KCNH1: variants seen among roughly 807,000 people sequenced by gnomAD.
KCNH1 encodes the protein potassium voltage-gated channel subfamily H member 1, also known as voltage-gated delayed rectifier potassium channel KCNH1.
A neutral mutation model predicts 69.2 loss-of-function variants in KCNH1; 27 were observed. The observed-to-expected ratio is 0.39, with a 90% CI of 0.29 to 0.54. KCNH1 has a LOEUF of 0.54. Ranked by LOEUF, KCNH1 falls within the 20% of genes least tolerant of loss-of-function variation. KCNH1 has a pLI of 0.68. For missense variants in KCNH1, 798 were observed against 1,261.6 expected, an observed-to-expected ratio of 0.63 and a Z score of 5.57; for synonymous variants, 456 against 487.7, an observed-to-expected ratio of 0.93 and a Z score of 0.86.
chr1:211,114,905 A>G (rs750701583), intron 1 of KCNH1, among the ~76,000 whole-genome samples: 4 of 152,168 alleles, frequency 2.6e-5, no homozygotes, highest in Non-Finnish European at 4.4e-5. Context: ...ATGTTCATGT[A>G]CTGGAAGAAT....
chr1:210,702,564 A>G (rs1224107032), intron 10 of KCNH1, among the ~76,000 whole-genome samples: 1 of 152,172 alleles, frequency 6.6e-6, no homozygotes, highest in East Asian at 1.9e-4. Context: ...TCATGGATAT[A>G]TGGACTTTAT....
At chr1:210,948,837 G>GAA (rs770643532) in intron 6 of KCNH1, among the ~76,000 whole-genome samples, 1 of 125,768 alleles carries the variant, frequency 8.0e-6, no homozygotes. Flanking sequence ...CAAAAAAAAG[G>GAA]AAAAAAAAAA....
intron 1 of KCNH1, among the ~76,000 whole-genome samples, chr1:211,128,804 G>A (rs544376766): frequency 6.6e-6 from 1 of 152,244 alleles, no homozygotes; most frequent in African/African-American, 2.4e-5. Flanking sequence ...TTTGTTCCAC[G>A]GAGCAGACTG....
At chr1:210,936,443 T>C (rs1687776628) in intron 6 of KCNH1, among the ~76,000 whole-genome samples, 1 of 152,184 alleles carries the variant, frequency 6.6e-6, no homozygotes, top group African/African-American at 2.4e-5. Flanking sequence ...TAGTAGAGAC[T>C]TTTCAAGCTC....
At chr1:210,775,585 A>T in intron 9 of KCNH1, 41 bp from the exon 10 acceptor site, 1 of 1,533,312 alleles carries the variant, frequency 6.5e-7, no homozygotes, top group South Asian at 1.1e-5. Context: ...GTTGGCCAGG[A>T]GAGGTCTGCC....
intron 4 of KCNH1, among the ~76,000 whole-genome samples, chr1:211,083,816 G>A (rs1280035000): frequency 6.6e-6 from 1 of 152,180 alleles, no homozygotes; most frequent in Admixed American, 6.5e-5. Context: ...GCAACTTCCA[G>A]TAGAAATCTC....
intron 4 of KCNH1, among the ~76,000 whole-genome samples, chr1:211,086,105 T>C (rs546648966): frequency 6.6e-6 from 1 of 152,352 alleles, no homozygotes; most frequent in African/African-American, 2.4e-5. Context: ...CTATCGCAGG[T>C]GTTTCCTTGT....
At chr1:211,042,510 C>CA (rs1379877029) in intron 5 of KCNH1, among the ~76,000 whole-genome samples, 5 of 152,108 alleles carry the variant, frequency 3.3e-5, no homozygotes, top group African/African-American at 9.7e-5. Flanking sequence ...TACAGCAACA[C>CA]AATAATAGTG....
intron 1 of KCNH1, among the ~76,000 whole-genome samples, chr1:211,111,531 G>A (rs1010350986): frequency 1.3e-5 from 2 of 149,240 alleles, no homozygotes; most frequent in Non-Finnish European, 3.0e-5. Context: ...GGTAAGTGAG[G>A]AGCACCTCTG....
chr1:210,998,370 T>C (rs1334635976), intron 6 of KCNH1, among the ~76,000 whole-genome samples: 2 of 152,162 alleles, frequency 1.3e-5, no homozygotes, highest in Non-Finnish European at 2.9e-5. Context: ...TCCTAGTCTC[T>C]GATAAAACAA....
At chr1:210,857,337 T>A (rs560343820) in intron 7 of KCNH1, among the ~76,000 whole-genome samples, 1 of 152,158 alleles carries the variant, frequency 6.6e-6, no homozygotes. Context: ...AATCACATCA[T>A]GAGTCATGGG....
At chr1:211,107,929 G>T (rs1255427153) in intron 1 of KCNH1, among the ~76,000 whole-genome samples, 2 of 152,196 alleles carry the variant, frequency 1.3e-5, no homozygotes, top group Admixed American at 1.3e-4. Flanking sequence ...TCCCCTTGGT[G>T]AGGAATAGTA....
At chr1:210,715,504 T>C (rs1682205456) in intron 10 of KCNH1, among the ~76,000 whole-genome samples, 1 of 143,802 alleles carries the variant, frequency 7.0e-6, no homozygotes, top group South Asian at 2.2e-4. Context: ...CTGTTTCTAT[T>C]TTAAAAATTA....
At chr1:210,713,166 G>A (rs1574200967) in intron 10 of KCNH1, among the ~76,000 whole-genome samples, 1 of 152,260 alleles carries the variant, frequency 6.6e-6, no homozygotes, top group Non-Finnish European at 1.5e-5. Context: ...TCGCTTAGAT[G>A]CATAAACACA....
intron 6 of KCNH1, among the ~76,000 whole-genome samples, chr1:211,002,248 G>GTA (rs200667728): frequency 0.011 from 1,660 of 144,852 alleles, 32 homozygotes; most frequent in African/African-American, 0.04. Flanking sequence ...ATATGTATAC[G>GTA]TATATATATA....
At chr1:211,132,707 C>A (rs1205321117) in intron 1 of KCNH1, 1 of 152,100 alleles carries the variant, frequency 6.6e-6, no homozygotes, top group African/African-American at 2.4e-5. Flanking sequence ...ACTCTGAAAT[C>A]GTGATATTTA....
At chr1:211,047,538 A>G (rs1438976407) in intron 5 of KCNH1, among the ~76,000 whole-genome samples, 4 of 152,294 alleles carry the variant, frequency 2.6e-5, no homozygotes, top group African/African-American at 9.6e-5. Context: ...GGAAACTCCA[A>G]TCTTGGCTTC....
At chr1:210,734,931 T>G (rs1682836879) in intron 10 of KCNH1, among the ~76,000 whole-genome samples, 1 of 152,282 alleles carries the variant, frequency 6.6e-6, no homozygotes, top group African/African-American at 2.4e-5. Context: ...CCAAATTTTC[T>G]CCCTAGTTAA....
intron 10 of KCNH1, among the ~76,000 whole-genome samples, chr1:210,750,863 G>C (rs1683268132): frequency 6.6e-6 from 1 of 152,000 alleles, no homozygotes; most frequent in African/African-American, 2.4e-5. Flanking sequence ...AAAAATATGA[G>C]AGCTCATCTA....
Sources: allele counts gnomAD v4.1 joint callset (sites outside exome capture counted in the v4.1 genomes callset), GRCh38; gene constraint gnomAD v4.1.1; transcripts MANE v1.5; gene names NCBI Gene and HGNC (gene_info 2026-07-23, HGNC 2026-07-21).